LEPR: variants seen among roughly 807,000 people sequenced by gnomAD.
LEPR encodes OB receptor.
A neutral mutation model predicts 114.7 loss-of-function variants in LEPR; 56 were observed. That is an observed-to-expected ratio of 0.49 (90% CI 0.39 to 0.61). The LOEUF (loss-of-function observed/expected upper bound fraction) is 0.61, where lower values mean the gene tolerates loss of function less well. LEPR is among the 20% of genes least tolerant of loss of function. The probability of loss-of-function intolerance (pLI) is 0.00; values close to 1 mark genes in which losing one functional copy is unlikely to be tolerated. For missense variants in LEPR, 1,202 were observed against 1,352.9 expected, an observed-to-expected ratio of 0.89 and a Z score of 1.75; for synonymous variants, 443 against 461.4, an observed-to-expected ratio of 0.96 and a Z score of 0.51.
At chr1:65,581,414 C>T (rs1654973039) in intron 5 of LEPR, among the ~76,000 whole-genome samples, 1 of 151,574 alleles carries the variant, frequency 6.6e-6, no homozygotes, top group African/African-American at 2.4e-5. Flanking sequence ...TCACAGCCTG[C>T]TTTCCTACCA....
intron 2 of LEPR, among the ~76,000 whole-genome samples, chr1:65,540,235 A>G (rs1651093533): frequency 1.3e-5 from 2 of 152,120 alleles, no homozygotes; most frequent in Non-Finnish European, 2.9e-5. Context: ...CTATTCTCCA[A>G]ATATCCTATG....
At chr1:65,610,992 A>G (rs1359717129) in intron 14 of LEPR, among the ~76,000 whole-genome samples, 1 of 152,242 alleles carries the variant, frequency 6.6e-6, no homozygotes, top group East Asian at 1.9e-4. Flanking sequence ...AAGCCTCTGT[A>G]AAAGTTGTGG....
At chr1:65,471,712 A>G (rs896686406) in intron 2 of LEPR, among the ~76,000 whole-genome samples, 2 of 152,214 alleles carry the variant, frequency 1.3e-5, no homozygotes. Context: ...CTATGAAGTA[A>G]TGAACTCTTC....
chr1:65,558,519 A>T (rs1188626153), intron 2 of LEPR, among the ~76,000 whole-genome samples: 17 of 17,010 alleles, frequency 1.0e-3, no homozygotes, highest in Non-Finnish European at 1.6e-3. Flanking sequence ...TTTTTTTTGA[A>T]TCAGAAGTTT....
chr1:65,498,030 G>A (rs1276963322), intron 2 of LEPR, among the ~76,000 whole-genome samples: 2 of 152,134 alleles, frequency 1.3e-5, no homozygotes, highest in African/African-American at 4.8e-5. Context: ...CTGATAAAAT[G>A]TGGCATCATG....
rs1354677791 is a variant in LEPR, at chr1:65,640,000, C to G, written c.*2985C>G. 6.6e-6 allele frequency: 1 copy of G among 151,830 alleles called. No individual in the cohort carries two copies. Among genetic ancestry groups the G allele is most frequent in the Non-Finnish European group, 1.5e-5 (1 of 67,974 alleles). The allele number at this position is 151,830 out of a possible 1,614,324, so 9.4% of individuals were successfully genotyped here. On this transcript the variant is annotated 3_prime_UTR_variant, in exon 20 of 20. Transcript: ENST00000349533. ...ACCTAGTCACCAAATGGTAAAAGGA[C>G]TTGGATGAAATTCCAATACCAGTGT...
At chr1:65,440,150 T>C (rs1352498767) in intron 2 of LEPR, among the ~76,000 whole-genome samples, 1 of 152,066 alleles carries the variant, frequency 6.6e-6, no homozygotes, top group Non-Finnish European at 1.5e-5. Context: ...AATAGAGCTA[T>C]TGAATAATGA....
Position 65,432,633 on chromosome 1 carries a change from A to G in LEPR, c.-21+7255A>G, listed in dbSNP as rs1213755948. 9.1e-6 allele frequency: 9 copies of G among 985,062 alleles called. No individual in the cohort carries two copies. The South Asian group carries it at 2.4e-4, about 26-fold the overall frequency. The allele number at this position is 985,062 out of a possible 1,614,324, so 61.0% of individuals were successfully genotyped here. A position where few individuals can be genotyped will look rare whatever the true frequency, so the allele number is the denominator to read the frequency against. On this transcript the variant is annotated intron_variant, in intron 2 of 19. Coordinates refer to ENST00000349533, the MANE Select transcript of LEPR (RefSeq NM_002303.6). ...AAGTTCAGATGTTCAAGCCTATAAT[A>G]TTTAGGCAGTTCCTCAAATTTATGA... is the stretch of plus-strand genomic sequence containing the variant.
intron 2 of LEPR, among the ~76,000 whole-genome samples, chr1:65,529,377 C>T (rs983378584): frequency 9.9e-5 from 15 of 151,786 alleles, no homozygotes; most frequent in African/African-American, 3.6e-4. Context: ...AAAAATTTAT[C>T]CAGACCTGGT....
At chr1:65,631,320 A>G (rs1425345471) in intron 19 of LEPR, among the ~76,000 whole-genome samples, 1 of 152,102 alleles carries the variant, frequency 6.6e-6, no homozygotes, top group Non-Finnish European at 1.5e-5. Flanking sequence ...CCCAGTTTCC[A>G]GCCACAGTTC....
At chr1:65,500,788 G>A (rs970600574) in intron 2 of LEPR, among the ~76,000 whole-genome samples, 12 of 152,166 alleles carry the variant, frequency 7.9e-5, no homozygotes, top group East Asian at 3.9e-4. Flanking sequence ...TCTACTGCAC[G>A]AGGTGTTGGC....
intron 5 of LEPR, among the ~76,000 whole-genome samples, chr1:65,584,055 G>A (rs11208679): frequency 0.3 from 45,713 of 151,952 alleles, 7,783 homozygotes; most frequent in East Asian, 0.83. Flanking sequence ...TCTGTAAGGG[G>A]TGCACTTTTC....
intron 2 of LEPR, among the ~76,000 whole-genome samples, chr1:65,444,404 A>C (rs917755205): frequency 3.3e-5 from 5 of 152,230 alleles, no homozygotes; most frequent in Non-Finnish European, 5.9e-5. Context: ...TCTGTAGCTT[A>C]AAATGCTATT....
intron 2 of LEPR, among the ~76,000 whole-genome samples, chr1:65,515,318 G>A (rs1036864632): frequency 1.3e-5 from 2 of 152,164 alleles, no homozygotes; most frequent in African/African-American, 4.8e-5. Flanking sequence ...ACTTTATCCT[G>A]TAGGCAGTGC....
At chr1:65,482,397 T>C (rs1647269703) in intron 2 of LEPR, among the ~76,000 whole-genome samples, 1 of 152,146 alleles carries the variant, frequency 6.6e-6, no homozygotes. Flanking sequence ...AAAATTTATA[T>C]AGATGACTTG....
intron 2 of LEPR, among the ~76,000 whole-genome samples, chr1:65,475,145 C>T (rs1003162801): frequency 1.3e-5 from 2 of 150,708 alleles, no homozygotes; most frequent in Non-Finnish European, 2.9e-5. Context: ...GGAAAGATAG[C>T]CTTAAACATC....
intron 2 of LEPR, among the ~76,000 whole-genome samples, chr1:65,532,448 T>C (rs1650467661): frequency 6.6e-6 from 1 of 152,180 alleles, no homozygotes; most frequent in Non-Finnish European, 1.5e-5. Flanking sequence ...AAGATAGTCA[T>C]ATGGTAATAT....
At chr1:65,552,162 C>T (rs1443723651) in intron 2 of LEPR, among the ~76,000 whole-genome samples, 1 of 152,158 alleles carries the variant, frequency 6.6e-6, no homozygotes, top group Non-Finnish European at 1.5e-5. Context: ...CGATGTGGTG[C>T]TGAGAAGAAT....
At chr1:65,504,655 G>T (rs1017989734) in intron 2 of LEPR, among the ~76,000 whole-genome samples, 15 of 152,146 alleles carry the variant, frequency 9.9e-5, no homozygotes, top group African/African-American at 3.4e-4. Context: ...GTCTACGGTG[G>T]CATGCGACTG....
Sources: gnomAD v4.1 joint callset for allele counts (sites outside exome capture counted in the v4.1 genomes callset) on GRCh38, gnomAD v4.1.1 for gene constraint, MANE v1.5 for transcripts, NCBI Gene and HGNC (gene_info 2026-07-23, HGNC 2026-07-21) for gene names.